METTL4: variants seen among roughly 807,000 people sequenced by gnomAD.
METTL4 encodes N(6)-adenine-specific methyltransferase METTL4.
A neutral mutation model predicts 54.0 loss-of-function variants in METTL4; 40 were observed. That is an observed-to-expected ratio of 0.74 (90% CI 0.58 to 0.96). The LOEUF (loss-of-function observed/expected upper bound fraction) is 0.96. Among genes scored for constraint, METTL4 ranks in the 50% least tolerant of loss-of-function variants. The pLI is 0.00. For missense variants in METTL4, 525 were observed against 549.0 expected, an observed-to-expected ratio of 0.96 and a Z score of 0.44; for synonymous variants, 169 against 183.8, an observed-to-expected ratio of 0.92 and a Z score of 0.65.
intron 1 of METTL4, among the ~76,000 whole-genome samples, chr18:2,569,383 A>T (rs980520446): frequency 6.6e-6 from 1 of 152,076 alleles, no homozygotes; most frequent in Non-Finnish European, 1.5e-5. Context: ...GATTCCCATC[A>T]TAACTGGTGG....
chr18:2,550,991 C>T (rs2072147971), intron 5 of METTL4, among the ~76,000 whole-genome samples: 1 of 151,258 alleles, frequency 6.6e-6, no homozygotes. Context: ...GGTGAAACCC[C>T]GTCTCTACTA....
intron 8 of METTL4, chr18:2,540,194 A>G: frequency 1.0e-6 from 1 of 985,384 alleles, no homozygotes; most frequent in Non-Finnish European, 1.2e-6. Context: ...CTTTTTGAAA[A>G]GCACATGTTC....
chr18:2,544,527 T>C lies in METTL4; in HGVS notation c.1181+126A>G, dbSNP rs2072041609. 5 of 688,910 alleles carry C rather than the reference T, an allele frequency of 7.3e-6. No homozygotes were observed. In the South Asian group the frequency reaches 1.0e-4, roughly 14 times the overall value. The allele number at this position is 688,910 out of a possible 1,614,324, so 42.7% of individuals were successfully genotyped here. Reference sequence around the variant, plus strand: ...TTCCTGTGCCATACCATCCATTCTTTTCTACACTGGACCATTTTCAGAGTT... The same window carrying C: ...TTCCTGTGCCATACCATCCATTCTTCTCTACACTGGACCATTTTCAGAGTT... On this transcript the variant is annotated intron_variant, in intron 7 of 8. Transcript: ENST00000574538.
In METTL4 at chr18:2,547,445, C is replaced by T; in HGVS notation, c.984G>A (p.Val328=). The T allele has an allele frequency of 6.2e-7, 1 of 1,612,132 alleles. No individual in the cohort carries two copies. The highest frequency in any genetic ancestry group is 8.5e-7 in the Non-Finnish European group (1 of 1,178,882). ...AAPNCLLVTW[V]TNRQKHLRFI... ...AACGTAGGTGCTTCTGTCTATTGGT[C>T]ACCCAAGTAACAAGAAGACAGTTTG... Residue 328 remains valine (V), a synonymous_variant, in exon 6 of 9, where the codon GTG becomes GTA. Coordinates refer to ENST00000574538, the MANE Select transcript of METTL4 (RefSeq NM_022840.5).
chr18:2,543,475 C>G (rs951004118), intron 8 of METTL4, among the ~76,000 whole-genome samples: 1 of 152,138 alleles, frequency 6.6e-6, no homozygotes, highest in African/African-American at 2.4e-5. Context: ...CTATCACATG[C>G]TACGGAACTT....
At chr18:2,544,548 G>T in intron 7 of METTL4, 105 bp downstream of exon 7, 1 of 777,514 alleles carries the variant, frequency 1.3e-6, no homozygotes, top group East Asian at 2.7e-5. Context: ...ACCATTTTCA[G>T]AGTTTCAAAA....
chr18:2,546,500 C>G (rs946365037), intron 6 of METTL4, among the ~76,000 whole-genome samples: 2 of 152,098 alleles, frequency 1.3e-5, no homozygotes, highest in Non-Finnish European at 2.9e-5. Context: ...AGGAGAACTA[C>G]TGTACACAGC....
chr18:2,548,657 T>G (rs2072107970), intron 5 of METTL4, among the ~76,000 whole-genome samples: 1 of 152,208 alleles, frequency 6.6e-6, no homozygotes, highest in Non-Finnish European at 1.5e-5. Context: ...TCACTCACAC[T>G]TGCTCCTTCT....
At chr18:2,544,119 G>T in intron 8 of METTL4, 76 bp downstream of exon 8, 1 of 1,085,064 alleles carries the variant, frequency 9.2e-7, no homozygotes, top group South Asian at 1.5e-5. Flanking sequence ...GAATCTGTAG[G>T]CCGTTTAAAT....
intron 3 of METTL4, chr18:2,555,443 C>G: frequency 1.1e-5 from 2 of 182,750 alleles, no homozygotes; most frequent in Non-Finnish European, 2.3e-5. Context: ...GGTCTCAGGG[C>G]TGCCAACCTT....
chr18:2,562,926 G>C (rs996834730), intron 3 of METTL4, among the ~76,000 whole-genome samples: 1 of 150,312 alleles, frequency 6.7e-6, no homozygotes, highest in African/African-American at 2.4e-5. Flanking sequence ...AAAATTTTAT[G>C]TATATTCTAC....
intron 5 of METTL4, among the ~76,000 whole-genome samples, chr18:2,548,868 T>C (rs4797072): frequency 0.41 from 62,381 of 151,920 alleles, 13,208 homozygotes; most frequent in East Asian, 0.63. Context: ...CCTCCCATCT[T>C]AAATCAGTAT....
In METTL4 at chr18:2,567,385, A is replaced by G; in HGVS notation, c.-169T>C. 2 of 497,168 alleles carry G rather than the reference A, an allele frequency of 4.0e-6. No homozygotes were observed. The highest frequency in any genetic ancestry group is 4.2e-5 in the South Asian group (1 of 23,610). 30.8% of individuals were successfully genotyped at this position (497,168 alleles called of 1,614,324 possible). A position where few individuals can be genotyped will look rare whatever the true frequency, so the allele number is the denominator to read the frequency against. On this transcript the variant is annotated 5_prime_UTR_variant, in exon 2 of 9. The change abolishes an upstream ATG in the 5' untranslated region. Coordinates refer to ENST00000574538, the MANE Select transcript of METTL4 (RefSeq NM_022840.5). The stretch of plus-strand genomic sequence containing the variant: ...ACATGCACATTGAAGAGAATTTATC[A>G]TTCATGATGTTAATATATACAGAAA...
At chr18:2,566,427 G>A (rs1479862084) in intron 2 of METTL4, among the ~76,000 whole-genome samples, 1 of 152,136 alleles carries the variant, frequency 6.6e-6, no homozygotes, top group Non-Finnish European at 1.5e-5. Flanking sequence ...TTACTGCTTA[G>A]AAATTTTGTA....
chr18:2,562,192 T>C (rs955605279), intron 3 of METTL4: 5 of 152,572 alleles, frequency 3.3e-5, no homozygotes, highest in African/African-American at 1.2e-4. Context: ...GGCAACATAG[T>C]TAAGACCTTA....
At chr18:2,557,186 G>A (rs1167530538) in intron 3 of METTL4, among the ~76,000 whole-genome samples, 3 of 151,868 alleles carry the variant, frequency 2.0e-5, no homozygotes, top group African/African-American at 7.3e-5. Flanking sequence ...GAGAGGAAAG[G>A]GCTCCACAGA....
chr18:2,561,843 T>C (rs2072323843), intron 3 of METTL4: 1 of 152,256 alleles, frequency 6.6e-6, no homozygotes, highest in Non-Finnish European at 1.5e-5. Context: ...TAAATCTTAT[T>C]AATTTTTTTA....
At chr18:2,566,707 G>T in intron 2 of METTL4, 114 bp downstream of exon 2, 1 of 827,342 alleles carries the variant, frequency 1.2e-6, no homozygotes, top group Non-Finnish European at 1.7e-6. Flanking sequence ...AGCCTTTTTG[G>T]GTTTTACTGA....
At chr18:2,558,822 CAG>C (rs1271162178) in intron 3 of METTL4, among the ~76,000 whole-genome samples, 1 of 152,018 alleles carries the variant, frequency 6.6e-6, no homozygotes, top group Non-Finnish European at 1.5e-5. Flanking sequence ...AGGATACAAA[CAG>C]ACATTTCTCT....
Sources: allele counts gnomAD v4.1 joint callset (sites outside exome capture counted in the v4.1 genomes callset), GRCh38; gene constraint gnomAD v4.1.1; transcripts MANE v1.5; gene names NCBI Gene and HGNC (gene_info 2026-07-23, HGNC 2026-07-21).